The following FAT4 variants were observed in gnomAD, a reference collection of about 807,000 sequenced individuals.
The protein encoded by FAT4 is FAT atypical cadherin 4, also known as protocadherin Fat 4.
In FAT4, 84 loss-of-function variants were observed where a neutral mutation model predicts 303.9. The observed-to-expected ratio is 0.28, with a 90% CI of 0.23 to 0.33. The LOEUF is 0.33. Among genes scored for constraint, FAT4 ranks in the 10% least tolerant of loss-of-function variants. The pLI is 1.00. For synonymous variants in FAT4, 2,307 were observed against 2,298.8 expected (o/e 1.00, Z -0.10); for missense variants, 6,005 against 6,146.8 (o/e 0.98, Z 0.77).
At chr4:125,390,014 T>C (rs1398893546) in intron 2 of FAT4, among the ~76,000 whole-genome samples, 2 of 152,132 alleles carry the variant, frequency 1.3e-5, no homozygotes, top group African/African-American at 2.4e-5. Flanking sequence ...CCCAGACTTA[T>C]GGCAGTAGAA....
chr4:125,452,030 C>T lies in FAT4; in HGVS notation c.11020C>T (p.Pro3674Ser). ...GGGTACTTGTGATCTGAATTCCCAG[C>T]CAAGGTCCACAGATGGCACGTTTGA... ...PGGTCDLNSQ[P>S]RSTDGTFDLT... The change falls in exon 10 of 18, where the codon CCA (proline) becomes TCA (serine). Residue 3674 changes from proline (P) to serine (S), a missense_variant. Transcript: ENST00000394329. The T allele has an allele frequency of 6.2e-7, 1 of 1,614,118 alleles. No homozygotes were observed. Among genetic ancestry groups the T allele is most frequent in the Non-Finnish European group, 8.5e-7 (1 of 1,180,012 alleles).
Position 125,339,373 on chromosome 4 carries a change from T to C in FAT4, c.5175+17787T>C, listed in dbSNP as rs574688751. Among the ~76,000 whole-genome samples the C allele has an allele frequency of 2.6e-5, 4 of 152,156 alleles. No individual in the cohort carries two copies. The South Asian group carries it at 6.2e-4, about 24-fold the overall frequency. ...ACCACGCCTGGCTAATTTTTTTGTA[T>C]TTTTAGTAGAGACGGGGTTTCACCG... is the stretch of plus-strand genomic sequence containing the variant. On this transcript the variant is annotated intron_variant, in intron 2 of 17. Transcript: ENST00000394329.
intron 2 of FAT4, among the ~76,000 whole-genome samples, chr4:125,341,669 C>G (rs909945571): frequency 6.6e-6 from 1 of 151,880 alleles, no homozygotes; most frequent in Non-Finnish European, 1.5e-5. Context: ...AATATTTTTA[C>G]CTGCACCAAT....
chr4:125,434,471 C>T (rs868141711), intron 8 of FAT4, 46 bp downstream of exon 8: 9 of 1,555,552 alleles, frequency 5.8e-6, no homozygotes, highest in Middle Eastern at 1.7e-4. Context: ...TCTCATTAAA[C>T]ATTAGTTTTT....
intron 7 of FAT4, 74 bp downstream of exon 7, chr4:125,416,696 A>G (rs1735088860): frequency 4.0e-6 from 6 of 1,508,016 alleles, no homozygotes; most frequent in Non-Finnish European, 3.6e-6. Context: ...CTGTAACCCC[A>G]GCACTTTGGG....
At chr4:125,453,662 C>A (rs1190123943) in intron 10 of FAT4, among the ~76,000 whole-genome samples, 1 of 150,986 alleles carries the variant, frequency 6.6e-6, no homozygotes, top group Non-Finnish European at 1.5e-5. Context: ...GCCGAGATCG[C>A]GTCACTGCAC....
intron 10 of FAT4, among the ~76,000 whole-genome samples, chr4:125,462,268 G>T (rs1384916128): frequency 1.3e-5 from 2 of 151,890 alleles, no homozygotes; most frequent in Admixed American, 6.6e-5. Flanking sequence ...TTTAAGCAAA[G>T]TTAGTATGAT....
intron 2 of FAT4, among the ~76,000 whole-genome samples, chr4:125,373,005 A>T (rs1306132140): frequency 1.3e-5 from 2 of 152,180 alleles, no homozygotes; most frequent in Non-Finnish European, 2.9e-5. Context: ...TTGAAATAAA[A>T]ATAGCTTTGC....
chr4:125,348,892 A>C (rs1281502246), intron 2 of FAT4, among the ~76,000 whole-genome samples: 1 of 151,822 alleles, frequency 6.6e-6, no homozygotes, highest in Non-Finnish European at 1.5e-5. Flanking sequence ...GGAGAAATCT[A>C]AGAGTTCTCT....
At chr4:125,458,872 C>G (rs1156668654) in intron 10 of FAT4, among the ~76,000 whole-genome samples, 1 of 151,882 alleles carries the variant, frequency 6.6e-6, no homozygotes, top group Admixed American at 6.6e-5. Context: ...AGCCATAAGG[C>G]TATTGAACAG....
rs767090813 is a variant in FAT4 at position 125,319,720 on chromosome 4, C to T, written c.3309C>T (p.Thr1103=). ...ATAACAGACCTCTTTTTAACAGTAC[C>T]AATTACACATTTTACTTCGAAGAAG... ...VNDNRPLFNS[T]NYTFYFEEEQ... is the part of the protein sequence containing the mutation. Residue 1103 remains threonine, a synonymous_variant, in exon 2 of 18, where the codon ACC becomes ACT. Transcript: ENST00000394329. The T allele has an allele frequency of 6.2e-7, 1 of 1,613,952 alleles. No homozygotes were observed. The highest frequency in any genetic ancestry group is 1.7e-5 in the Admixed American group (1 of 60,016).
At chr4:125,443,200 A>G (rs763670619) in intron 8 of FAT4, among the ~76,000 whole-genome samples, 6 of 152,178 alleles carry the variant, frequency 3.9e-5, no homozygotes, top group Non-Finnish European at 8.8e-5. Flanking sequence ...TAACTTTACA[A>G]AAGCAATAGT....
chr4:125,382,036 C>A (rs1378803645), intron 2 of FAT4, among the ~76,000 whole-genome samples: 1 of 152,152 alleles, frequency 6.6e-6, no homozygotes, highest in African/African-American at 2.4e-5. Context: ...ACTTCTAATT[C>A]TAGTTTTCTT....
intron 10 of FAT4, among the ~76,000 whole-genome samples, chr4:125,457,408 A>T (rs371233593): frequency 6.6e-6 from 1 of 152,134 alleles, no homozygotes; most frequent in Non-Finnish European, 1.5e-5. Context: ...AAATATTCTT[A>T]AAGTTTATTT....
chr4:125,317,495 T>C lies in FAT4; in HGVS notation c.1084T>C (p.Ser362Pro), dbSNP rs1385490658. The part of the protein sequence containing the change: ...VVKFRYFPAT[S>P]RYASVDENAQ... ...GAAGTTCCGCTACTTCCCGGCCACC[T>C]CGCGCTACGCCTCGGTAGATGAGAA... Residue 362 changes from serine (S) to proline (P), a missense_variant, in exon 2 of 18, where the codon TCG becomes CCG. Ser to Pro is a moderately conservative substitution (Grantham distance 74). Coordinates refer to ENST00000394329, the MANE Select transcript of FAT4 (RefSeq NM_001291303.3). The surrounding 1 kb of genome is among the most constrained non-coding windows in gnomAD (Gnocchi z 7.0). 2.5e-6 allele frequency: 4 copies of C among 1,613,750 alleles called. No individual in the cohort carries two copies. The highest frequency in any genetic ancestry group is 3.4e-6 in the Non-Finnish European group (4 of 1,180,036).
In FAT4 at chr4:125,448,750, A is replaced by G. The variant is rs1380995304; in HGVS notation, c.7740A>G (p.Glu2580=). Residue 2580 remains glutamate (E), a synonymous_variant, in exon 10 of 18, where the codon GAA becomes GAG. Coordinates refer to ENST00000394329, the MANE Select transcript of FAT4 (RefSeq NM_001291303.3). ...RAKEQTFMFP[E]NQPVSSLVTT... is the part of the protein sequence containing the mutation. ...AAGAACAAACGTTCATGTTTCCTGA[A>G]AACCAACCAGTCAGCTCTCTTGTCA... 1 of 1,613,274 alleles carries G rather than the reference A, an allele frequency of 6.2e-7. No homozygotes were observed. The highest frequency in any genetic ancestry group is 1.3e-5 in the African/African-American group (1 of 75,024).
At chr4:125,337,789 T>A (rs1442442653) in intron 2 of FAT4, among the ~76,000 whole-genome samples, 1 of 151,950 alleles carries the variant, frequency 6.6e-6, no homozygotes, top group Non-Finnish European at 1.5e-5. Context: ...GGAAGAAAAA[T>A]AAAACTCTTT....
At chr4:125,410,288 G>A (rs534733453) in intron 5 of FAT4, among the ~76,000 whole-genome samples, 3 of 152,150 alleles carry the variant, frequency 2.0e-5, no homozygotes, top group African/African-American at 4.8e-5. Context: ...ATACTTTAAT[G>A]TTAACGATGT....
At chr4:125,403,250 T>C (rs1734458451) in intron 3 of FAT4, among the ~76,000 whole-genome samples, 1 of 152,074 alleles carries the variant, frequency 6.6e-6, no homozygotes, top group Non-Finnish European at 1.5e-5. Flanking sequence ...AGTGTACAGA[T>C]GAGGAAACAT....
Sources: allele counts gnomAD v4.1 joint callset (sites outside exome capture counted in the v4.1 genomes callset), GRCh38; gene constraint gnomAD v4.1.1; non-coding constraint Gnocchi (gnomAD v3.1); transcripts MANE v1.5; gene names NCBI Gene and HGNC (gene_info 2026-07-23, HGNC 2026-07-21).